Variants in DOK6 observed in about 807,000 individuals in gnomAD.
DOK6 encodes the protein downstream of tyrosine kinase 6.
A neutral mutation model predicts 44.0 loss-of-function variants in DOK6; 22 were observed. The ratio of observed to expected loss-of-function variants is 0.50; its 90% CI spans 0.36 to 0.71. DOK6 has a LOEUF of 0.71. DOK6 is among the 30% of genes least tolerant of loss of function. The pLI is 0.00. For synonymous variants in DOK6, 166 were observed against 145.5 expected, an observed-to-expected ratio of 1.14 and a Z score of -1.01; for missense variants, 340 against 416.4, an observed-to-expected ratio of 0.82 and a Z score of 1.60.
chr18:69,677,254 T>A (rs1164351084), intron 3 of DOK6, among the ~76,000 whole-genome samples: 1 of 151,730 alleles, frequency 6.6e-6, no homozygotes, highest in African/African-American at 2.4e-5. Flanking sequence ...ACTTATATAT[T>A]TATTTTCTAT....
At chr18:69,498,210 C>G (rs1980948036) in intron 1 of DOK6, among the ~76,000 whole-genome samples, 1 of 152,012 alleles carries the variant, frequency 6.6e-6, no homozygotes, top group African/African-American at 2.4e-5. Flanking sequence ...TATTTGATTT[C>G]ATTCCAATTA....
Position 69,438,247 on chromosome 18 carries a change from G to C in DOK6, c.66+36937G>C, listed in dbSNP as rs147552566. On this transcript the variant is annotated intron_variant, in intron 1 of 7. Coordinates refer to ENST00000382713, the MANE Select transcript of DOK6 (RefSeq NM_152721.6). ...TTCGCTCACAATTGGAATAAACAAAGTTTACGTAATATTATAAATCCTTTG... is the reference window on the plus strand; with the variant it reads ...TTCGCTCACAATTGGAATAAACAAACTTTACGTAATATTATAAATCCTTTG... 2.6e-5 allele frequency among the ~76,000 whole-genome samples: 4 copies of C among 152,270 alleles called. No homozygotes were observed. The East Asian group carries it at 7.7e-4, about 29-fold the overall frequency.
At chr18:69,574,891 A>G (rs78301616) in intron 2 of DOK6, among the ~76,000 whole-genome samples, 4,604 of 152,124 alleles carry the variant, frequency 0.03, 85 homozygotes, top group Middle Eastern at 0.044. Context: ...TAATATTCCC[A>G]CTTCCCAAAA....
intron 4 of DOK6, among the ~76,000 whole-genome samples, chr18:69,693,703 C>A (rs553023069): frequency 6.6e-6 from 1 of 152,222 alleles, no homozygotes; most frequent in Non-Finnish European, 1.5e-5. Context: ...CTGCGAGATC[C>A]ACTTACCTCC....
At chr18:69,681,002 T>C (rs1160203174) in intron 4 of DOK6, among the ~76,000 whole-genome samples, 1 of 152,214 alleles carries the variant, frequency 6.6e-6, no homozygotes, top group Non-Finnish European at 1.5e-5. Flanking sequence ...TACTAATACA[T>C]GGTTGAAGTC....
chr18:69,712,769 G>GC (rs1986797014), intron 5 of DOK6, among the ~76,000 whole-genome samples: 1 of 151,886 alleles, frequency 6.6e-6, no homozygotes. Context: ...ATCTCTTGAA[G>GC]CCGGGAGGCT....
intron 1 of DOK6, among the ~76,000 whole-genome samples, chr18:69,503,959 T>A (rs140598878): frequency 2.0e-5 from 3 of 152,030 alleles, no homozygotes; most frequent in African/African-American, 7.2e-5. Context: ...CTTTTGCAAA[T>A]TAAAGAACTA....
intron 3 of DOK6, among the ~76,000 whole-genome samples, chr18:69,652,723 G>A (rs749755999): frequency 2.0e-5 from 3 of 152,090 alleles, no homozygotes; most frequent in Non-Finnish European, 2.9e-5. Context: ...GAGCACCGTG[G>A]CCTTGGCTCA....
chr18:69,667,875 C>T (rs559069893), intron 3 of DOK6, among the ~76,000 whole-genome samples: 1 of 152,270 alleles, frequency 6.6e-6, no homozygotes, highest in Non-Finnish European at 1.5e-5. Context: ...TTGACTCCCA[C>T]ATTTATAAGT....
chr18:69,516,700 G>A (rs1981533357), intron 1 of DOK6, among the ~76,000 whole-genome samples: 1 of 150,134 alleles, frequency 6.7e-6, no homozygotes, highest in African/African-American at 2.4e-5. Flanking sequence ...TTTCTTTTGA[G>A]GCGGAGTCTC....
intron 1 of DOK6, among the ~76,000 whole-genome samples, chr18:69,412,686 C>T (rs369502474): frequency 3.3e-5 from 5 of 152,224 alleles, no homozygotes; most frequent in South Asian, 2.1e-4. Context: ...ATGTCTATAT[C>T]GGCTACTTGT....
intron 1 of DOK6, among the ~76,000 whole-genome samples, chr18:69,408,521 A>T (rs1978293360): frequency 6.6e-6 from 1 of 152,186 alleles, no homozygotes; most frequent in South Asian, 2.1e-4. Context: ...TAAATAGTTA[A>T]ATATCTTTAG....
intron 7 of DOK6, among the ~76,000 whole-genome samples, chr18:69,818,565 C>T (rs1019943988): frequency 6.6e-6 from 1 of 152,174 alleles, no homozygotes; most frequent in African/African-American, 2.4e-5. Context: ...GGACTTTCAA[C>T]TGATAGAATC....
chr18:69,607,070 A>G (rs1438131230), intron 3 of DOK6, among the ~76,000 whole-genome samples: 2 of 152,190 alleles, frequency 1.3e-5, no homozygotes, highest in African/African-American at 2.4e-5. Context: ...CAAAGAGGCA[A>G]TGTGATTAGC....
At chr18:69,839,065 C>A (rs1599353941) in intron 7 of DOK6, among the ~76,000 whole-genome samples, 1 of 149,822 alleles carries the variant, frequency 6.7e-6, no homozygotes, top group African/African-American at 2.5e-5. Context: ...AGCTCCACTC[C>A]TAGTCTCTCC....
At chr18:69,697,970 C>A (rs746108448) in intron 4 of DOK6, among the ~76,000 whole-genome samples, 2 of 151,586 alleles carry the variant, frequency 1.3e-5, no homozygotes, top group Non-Finnish European at 2.9e-5. Context: ...TACTTCACAT[C>A]AACAAAGGTA....
chr18:69,768,629 T>C (rs1228414515), intron 7 of DOK6, among the ~76,000 whole-genome samples: 2 of 149,188 alleles, frequency 1.3e-5, no homozygotes, highest in African/African-American at 5.0e-5. Context: ...CCAAGCAGAA[T>C]ACGGCAGAGA....
At chr18:69,419,472 A>G (rs956231014) in intron 1 of DOK6, among the ~76,000 whole-genome samples, 2 of 152,186 alleles carry the variant, frequency 1.3e-5, no homozygotes, top group Non-Finnish European at 2.9e-5. Flanking sequence ...ATTACTTTTC[A>G]AAAGAAAAGT....
At chr18:69,738,870 AG>A (rs747104201) in intron 5 of DOK6, 94 bp from the exon 6 acceptor site, 1 of 1,481,408 alleles carries the variant, frequency 6.8e-7, no homozygotes, top group Non-Finnish European at 9.2e-7. Flanking sequence ...GGTCAGGAGG[AG>A]GAGGCACAAG....
Sources: gnomAD v4.1 joint callset for allele counts (sites outside exome capture counted in the v4.1 genomes callset) on GRCh38, gnomAD v4.1.1 for gene constraint, MANE v1.5 for transcripts, NCBI Gene and HGNC (gene_info 2026-07-23, HGNC 2026-07-21) for gene names.